The following RGMA variants were observed in gnomAD, a reference collection of about 807,000 sequenced individuals.
RGMA encodes the protein repulsive guidance molecule BMP co-receptor a.
Under a neutral mutation model 23.2 loss-of-function variants are expected in RGMA, and 10 were observed. That is an observed-to-expected ratio of 0.43 (90% CI 0.27 to 0.73). The LOEUF (loss-of-function observed/expected upper bound fraction) is 0.73, where lower values mean the gene tolerates loss of function less well. Among genes scored for constraint, RGMA ranks in the 30% least tolerant of loss-of-function variants. RGMA has a pLI of 0.20. For missense variants in RGMA, 547 were observed against 630.5 expected, an observed-to-expected ratio of 0.87 and a Z score of 1.42; for synonymous variants, 308 against 279.3, an observed-to-expected ratio of 1.10 and a Z score of -1.03.
intron 3 of RGMA, among the ~76,000 whole-genome samples, chr15:93,046,728 T>C (rs2054830150): frequency 1.3e-5 from 2 of 152,026 alleles, no homozygotes; most frequent in East Asian, 1.9e-4. Context: ...AGCTGGGTCA[T>C]GGAGGAGGGG....
chr15:93,074,601 G>T (rs539487148), intron 1 of RGMA, among the ~76,000 whole-genome samples: 1 of 152,324 alleles, frequency 6.6e-6, no homozygotes, highest in African/African-American at 2.4e-5. Context: ...TGAGGTCTCA[G>T]ATCGACAAGC....
chr15:93,075,482 C>T (rs1895458028), intron 1 of RGMA, among the ~76,000 whole-genome samples: 1 of 152,166 alleles, frequency 6.6e-6, no homozygotes, highest in African/African-American at 2.4e-5. Flanking sequence ...GAACCCCATC[C>T]TAAAGAAGCA....
chr15:93,055,163 G>A (rs73458379), intron 2 of RGMA, among the ~76,000 whole-genome samples: 187 of 152,160 alleles, frequency 1.2e-3, no homozygotes, highest in African/African-American at 4.2e-3. Context: ...AAAATCAACC[G>A]GAAGGAACAC....
chr15:93,074,614 T>C (rs1895438972), intron 1 of RGMA, among the ~76,000 whole-genome samples: 2 of 152,208 alleles, frequency 1.3e-5, no homozygotes, highest in South Asian at 4.1e-4. Context: ...CGACAAGCTC[T>C]AAATATTTTT....
At chr15:93,070,776 G>C (rs920443369) in intron 2 of RGMA, among the ~76,000 whole-genome samples, 2 of 152,362 alleles carry the variant, frequency 1.3e-5, no homozygotes, top group South Asian at 4.1e-4. Context: ...GCAGCTATCA[G>C]TTCCATCGGC....
At chr15:93,050,288 A>C (rs2054896081) in intron 3 of RGMA, among the ~76,000 whole-genome samples, 1 of 152,216 alleles carries the variant, frequency 6.6e-6, no homozygotes, top group South Asian at 2.1e-4. Context: ...ACACCTGAGT[A>C]ACGGAGGCCT....
In RGMA at chr15:93,072,818, C is replaced by T. The variant is rs536710674; in HGVS notation, c.130+98G>A. On this transcript the variant is annotated intron_variant, in intron 2 of 3. Coordinates refer to ENST00000329082, the MANE Select transcript of RGMA (RefSeq NM_020211.3). Reference sequence around the variant, plus strand: ...TAGGAGGCGGGGTCCGGAGGAGGTCCGGAGAACTTGAGCCCGGACTCACTC... The same window carrying T: ...TAGGAGGCGGGGTCCGGAGGAGGTCTGGAGAACTTGAGCCCGGACTCACTC... 1.5e-5 allele frequency: 20 copies of T among 1,340,954 alleles called. No homozygotes were observed. In the Admixed American group the frequency reaches 3.0e-4, roughly 20 times the overall value. The allele number at this position is 1,340,954 out of a possible 1,614,324, so 83.1% of individuals were successfully genotyped here.
intron 1 of RGMA, among the ~76,000 whole-genome samples, chr15:93,083,608 T>G (rs1038481145): frequency 6.6e-6 from 1 of 152,184 alleles, no homozygotes; most frequent in Non-Finnish European, 1.5e-5. Flanking sequence ...GAATTATAAA[T>G]GTGAGCCACC....
chr15:93,087,866 G>A (rs1895664253), intron 1 of RGMA, among the ~76,000 whole-genome samples: 2 of 152,036 alleles, frequency 1.3e-5, no homozygotes, highest in Admixed American at 1.3e-4. Context: ...GGGAGGTCGG[G>A]GTTCTCCCTG....
chr15:93,083,985 G>T (rs548921326), intron 1 of RGMA, among the ~76,000 whole-genome samples: 123 of 152,118 alleles, frequency 8.1e-4, no homozygotes, highest in Non-Finnish European at 1.6e-3. Flanking sequence ...TTCCATAAAG[G>T]ATATTAAACT....
At chr15:93,073,283 C>A (rs928117995) in intron 1 of RGMA, 2 of 809,030 alleles carry the variant, frequency 2.5e-6, no homozygotes, top group African/African-American at 1.8e-5. Flanking sequence ...CGGGTTTCAG[C>A]GAGGCCGGCG....
intron 1 of RGMA, among the ~76,000 whole-genome samples, chr15:93,085,418 A>C (rs992183720): frequency 6.6e-5 from 10 of 152,310 alleles, no homozygotes; most frequent in Middle Eastern, 3.4e-3. Flanking sequence ...CCTTCTGCCT[A>C]ATTTTCAGGC....
At chr15:93,053,809 T>C (rs566690332) in intron 2 of RGMA, among the ~76,000 whole-genome samples, 3 of 152,308 alleles carry the variant, frequency 2.0e-5, no homozygotes, top group Non-Finnish European at 4.4e-5. Context: ...CATCTGAAAT[T>C]TGGGCTCCCC....
chr15:93,086,434 A>G (rs1895636029), intron 1 of RGMA, among the ~76,000 whole-genome samples: 1 of 152,110 alleles, frequency 6.6e-6, no homozygotes, highest in South Asian at 2.1e-4. Context: ...TCATGTCTAT[A>G]CTGCATGCTT....
rs532461365 is a variant in RGMA, at chr15:93,040,992, C to G, written c.*4006G>C. Reference sequence around the variant, plus strand: ...CCCAAGGAGACCACACAGCTCGCGACGGGTTGAGCCAGTTTTGACGCCAAG... The same window carrying G: ...CCCAAGGAGACCACACAGCTCGCGAGGGGTTGAGCCAGTTTTGACGCCAAG... On this transcript the variant is annotated 3_prime_UTR_variant, in exon 4 of 4. Transcript: ENST00000329082. 1 of 152,176 alleles carries G rather than the reference C, an allele frequency of 6.6e-6. No homozygotes were observed. The highest frequency in any genetic ancestry group is 2.4e-5 in the African/African-American group (1 of 41,422). 9.4% of individuals were successfully genotyped at this position (152,176 alleles called of 1,614,324 possible). A position where few individuals can be genotyped will look rare whatever the true frequency, so the allele number is the denominator to read the frequency against.
chr15:93,053,646 ACCTAT>A (rs1205405430), intron 2 of RGMA, among the ~76,000 whole-genome samples: 1 of 152,190 alleles, frequency 6.6e-6, no homozygotes, highest in Non-Finnish European at 1.5e-5. Flanking sequence ...ACGAGTGCCT[ACCTAT>A]CCCAGCAGCC....
intron 3 of RGMA, among the ~76,000 whole-genome samples, chr15:93,049,269 G>A (rs1368013701): frequency 6.6e-6 from 1 of 152,206 alleles, no homozygotes; most frequent in Admixed American, 6.5e-5. Context: ...GGGGGCTCGG[G>A]GTACACGAGG....
At chr15:93,072,451 G>A (rs1273025022) in intron 2 of RGMA, among the ~76,000 whole-genome samples, 2 of 152,232 alleles carry the variant, frequency 1.3e-5, no homozygotes, top group Non-Finnish European at 2.9e-5. Flanking sequence ...AGGTCTCCGG[G>A]GAGGGGGCTG....
At chr15:93,049,340 G>A (rs1291320819) in intron 3 of RGMA, among the ~76,000 whole-genome samples, 1 of 152,216 alleles carries the variant, frequency 6.6e-6, no homozygotes, top group Non-Finnish European at 1.5e-5. Flanking sequence ...CAGAGGGACA[G>A]GCTGGCAAGT....
Sources: gnomAD v4.1 joint callset for allele counts (sites outside exome capture counted in the v4.1 genomes callset) on GRCh38, gnomAD v4.1.1 for gene constraint, MANE v1.5 for transcripts, NCBI Gene and HGNC (gene_info 2026-07-23, HGNC 2026-07-21) for gene names.